APPBP2: variants seen among roughly 807,000 people sequenced by gnomAD.
APPBP2 encodes amyloid beta precursor protein binding protein 2.
A neutral mutation model predicts 76.0 loss-of-function variants in APPBP2; 15 were observed. The observed-to-expected ratio is 0.20, with a 90% CI of 0.13 to 0.30. The LOEUF is 0.30. Among genes scored for constraint, APPBP2 ranks in the 10% least tolerant of loss-of-function variants. The probability of loss-of-function intolerance (pLI) is 1.00; values close to 1 mark genes in which losing one functional copy is unlikely to be tolerated. For missense variants in APPBP2, 401 were observed against 687.2 expected (o/e 0.58, Z 4.66); for synonymous variants, 222 against 242.2 (o/e 0.92, Z 0.77).
chr17:60,514,904 A>G (rs920563398), intron 1 of APPBP2, among the ~76,000 whole-genome samples: 1 of 152,022 alleles, frequency 6.6e-6, no homozygotes, highest in Admixed American at 6.6e-5. Flanking sequence ...CCCAGGTTCA[A>G]GTGATTCTTC....
At chr17:60,481,955 T>C (rs976935475) in intron 3 of APPBP2, among the ~76,000 whole-genome samples, 1 of 152,222 alleles carries the variant, frequency 6.6e-6, no homozygotes, top group Non-Finnish European at 1.5e-5. Flanking sequence ...TGATCTCGGC[T>C]CACCGCAACC....
At chr17:60,514,182 T>C (rs978335455) in intron 1 of APPBP2, among the ~76,000 whole-genome samples, 1 of 152,098 alleles carries the variant, frequency 6.6e-6, no homozygotes, top group Middle Eastern at 3.4e-3. Flanking sequence ...AGTACACACC[T>C]GTAAGTCCCA....
chr17:60,482,431 TTTTA>T (rs968147739), intron 3 of APPBP2, among the ~76,000 whole-genome samples: 8 of 152,178 alleles, frequency 5.3e-5, no homozygotes, highest in Admixed American at 1.3e-4. Context: ...GACAATTCTT[TTTTA>T]TTTTTTAGGA....
rs143917398 is a variant in APPBP2 at position 60,447,241 on chromosome 17, A to C, written c.*340T>G. The C allele has an allele frequency of 8.7e-4, 167 of 191,854 alleles. No homozygotes were observed. The highest frequency in any genetic ancestry group is 3.8e-3 in the African/African-American group (162 of 42,802). The allele number at this position is 191,854 out of a possible 1,614,324, so 11.9% of individuals were successfully genotyped here. A position where few individuals can be genotyped will look rare whatever the true frequency, so the allele number is the denominator to read the frequency against. Reference sequence around the variant, plus strand: ...CATAATAAGAATGCAACTCTTTTAAACTCTTAAATAGTTTTATTTAGGGGT... The same window carrying C: ...CATAATAAGAATGCAACTCTTTTAACCTCTTAAATAGTTTTATTTAGGGGT... On this transcript the variant is annotated 3_prime_UTR_variant, in exon 13 of 13. Coordinates refer to ENST00000083182, the MANE Select transcript of APPBP2 (RefSeq NM_006380.5).
In APPBP2 at chr17:60,482,529, C is replaced by T. The variant is rs185892810; in HGVS notation, c.380-3258G>A. 4.2e-3 allele frequency among the ~76,000 whole-genome samples: 637 copies of T among 152,286 alleles called. 2 individuals carry two copies. The highest frequency in any genetic ancestry group is 6.2e-3 in the Non-Finnish European group (420 of 68,036). ...TTACATGTGCCATGTTGGTTTGCTG[C>T]ACCCATCAACTCGTCATTTACATTA... On this transcript the variant is annotated intron_variant, in intron 3 of 12. Coordinates refer to ENST00000083182, the MANE Select transcript of APPBP2 (RefSeq NM_006380.5).
At chr17:60,480,493 T>C (rs1015590116) in intron 3 of APPBP2, among the ~76,000 whole-genome samples, 5 of 152,230 alleles carry the variant, frequency 3.3e-5, no homozygotes, top group African/African-American at 1.2e-4. Context: ...AGTATTAATG[T>C]ATGAGTTGAC....
At chr17:60,495,679 C>A (rs1486411384) in intron 2 of APPBP2, among the ~76,000 whole-genome samples, 1 of 151,790 alleles carries the variant, frequency 6.6e-6, no homozygotes, top group Non-Finnish European at 1.5e-5. Flanking sequence ...AAAACGGGAA[C>A]CCTCATACAT....
At chr17:60,506,282 C>T (rs75230044) in intron 1 of APPBP2, among the ~76,000 whole-genome samples, 1,731 of 152,336 alleles carry the variant, frequency 0.011, 20 homozygotes, top group Non-Finnish European at 0.015. Context: ...GCCTGAGCCA[C>T]TGCCCCTGGC....
In APPBP2 at chr17:60,466,276, C is replaced by T. The variant is rs776528846; in HGVS notation, c.672+15G>A. 1.9e-6 allele frequency: 3 copies of T among 1,609,274 alleles called. No individual in the cohort carries two copies. Among genetic ancestry groups the T allele is most frequent in the East Asian group, 2.2e-5 (1 of 44,834 alleles). On this transcript the variant is annotated intron_variant, in intron 5 of 12. Transcript: ENST00000083182. ...TACTTATTGGTCACAGTGAAATGTA[C>T]CTTAAAACACTTACCTCATCATAGT...
At position 60,466,301 on chromosome 17, in the gene APPBP2, T is replaced by C; in HGVS notation, c.662A>G (p.His221Arg). 3 of 1,613,670 alleles carry C rather than the reference T, an allele frequency of 1.9e-6. No homozygotes were observed. Among genetic ancestry groups the C allele is most frequent in the Non-Finnish European group, 2.5e-6 (3 of 1,179,862 alleles). ...ELCALLFAKS[H>R]YDEAYKWCIE... ...CCTTAAAACACTTACCTCATCATAG[T>C]GACTTTTTGCAAATAGGAGTGCACA... The change falls in exon 5 of 13, where the codon CAC (histidine) becomes CGC (arginine). Residue 221 changes from histidine (H) to arginine (R), a missense_variant. By Grantham distance (29) the His-to-Arg change is conservative. Coordinates refer to ENST00000083182, the MANE Select transcript of APPBP2 (RefSeq NM_006380.5).
chr17:60,500,320 T>C (rs2090812731), intron 2 of APPBP2, 79 bp downstream of exon 2: 2 of 1,014,596 alleles, frequency 2.0e-6, no homozygotes, highest in African/African-American at 1.6e-5. Context: ...AATGTGAATA[T>C]ACTTAATGCC....
rs1012688953 is a variant in APPBP2 at position 60,447,367 on chromosome 17, C to A, written c.*214G>T. ...TACTAGGTTGAAAATGTGGGCCAGA[C>A]TACTTACACATGCGGTACATGCTGA... On this transcript the variant is annotated 3_prime_UTR_variant, in exon 13 of 13. Coordinates refer to ENST00000083182, the MANE Select transcript of APPBP2 (RefSeq NM_006380.5). The A allele has an allele frequency of 6.0e-5, 25 of 414,820 alleles. No individual in the cohort carries two copies. Among genetic ancestry groups the A allele is most frequent in the African/African-American group, 4.9e-4 (24 of 48,692 alleles). 25.7% of individuals were successfully genotyped at this position (414,820 alleles called of 1,614,324 possible).
At chr17:60,506,929 G>C (rs944315570) in intron 1 of APPBP2, among the ~76,000 whole-genome samples, 4 of 152,102 alleles carry the variant, frequency 2.6e-5, no homozygotes, top group African/African-American at 9.7e-5. Context: ...CCAGCTACTT[G>C]GGAAGCTGAG....
chr17:60,466,022 G>A (rs893619412), intron 5 of APPBP2, among the ~76,000 whole-genome samples: 7 of 152,028 alleles, frequency 4.6e-5, no homozygotes, highest in Non-Finnish European at 1.0e-4. Context: ...TAGAGGCAGG[G>A]TCTCTCTCAC....
At chr17:60,498,171 G>GTAGCTACTACTAC (rs2090792016) in intron 2 of APPBP2, among the ~76,000 whole-genome samples, 1 of 151,864 alleles carries the variant, frequency 6.6e-6, no homozygotes, top group Non-Finnish European at 1.5e-5. Flanking sequence ...AGCCAGATCT[G>GTAGCTACTACTAC]TAGCTACTAC....
At chr17:60,521,203 A>T (rs1198843898) in intron 1 of APPBP2, among the ~76,000 whole-genome samples, 1 of 152,254 alleles carries the variant, frequency 6.6e-6, no homozygotes, top group Non-Finnish European at 1.5e-5. Context: ...CATGCCACAT[A>T]AAGTTTCAGT....
chr17:60,456,074 G>A (rs998877251), intron 10 of APPBP2, among the ~76,000 whole-genome samples: 6 of 152,068 alleles, frequency 3.9e-5, no homozygotes, highest in African/African-American at 7.2e-5. Context: ...CACCCCATCC[G>A]GCCTATTAAC....
chr17:60,507,520 C>A (rs1165886244), intron 1 of APPBP2, among the ~76,000 whole-genome samples: 2 of 152,046 alleles, frequency 1.3e-5, no homozygotes, highest in Non-Finnish European at 2.9e-5. Flanking sequence ...CAATGCCTGG[C>A]CCCCTTAAAT....
chr17:60,514,856 T>G (rs1433813412), intron 1 of APPBP2, among the ~76,000 whole-genome samples: 1 of 152,140 alleles, frequency 6.6e-6, no homozygotes, highest in Non-Finnish European at 1.5e-5. Flanking sequence ...CAGGCTGGGG[T>G]GCAGCAGTGC....
Sources: allele counts gnomAD v4.1 joint callset (sites outside exome capture counted in the v4.1 genomes callset), GRCh38; gene constraint gnomAD v4.1.1; transcripts MANE v1.5; gene names NCBI Gene and HGNC (gene_info 2026-07-23, HGNC 2026-07-21).